The following GLIS3 variants were observed in gnomAD, a reference collection of about 807,000 sequenced individuals.
The protein encoded by GLIS3 is GLIS family zinc finger 3.
A neutral mutation model predicts 78.6 loss-of-function variants in GLIS3; 53 were observed. That is an observed-to-expected ratio of 0.67 (90% confidence interval 0.54 to 0.85). The LOEUF (loss-of-function observed/expected upper bound fraction) is 0.85, where lower values mean the gene tolerates loss of function less well. Among genes scored for constraint, GLIS3 ranks in the 40% least tolerant of loss-of-function variants. GLIS3 has a pLI of 0.00. For missense variants in GLIS3, 1,703 were observed against 1,231.1 expected, an observed-to-expected ratio of 1.38 and a Z score of -5.74; for synonymous variants, 684 against 509.9, an observed-to-expected ratio of 1.34 and a Z score of -4.60.
intron 4 of GLIS3, among the ~76,000 whole-genome samples, chr9:4,110,931 A>G (rs1831162668): frequency 1.3e-5 from 2 of 152,224 alleles, no homozygotes; most frequent in Admixed American, 6.5e-5. Context: ...CACTCTACAC[A>G]TTCAAATTCT....
intron 2 of GLIS3, among the ~76,000 whole-genome samples, chr9:4,248,250 C>T (rs899082428): frequency 1.3e-5 from 2 of 152,110 alleles, no homozygotes; most frequent in African/African-American, 4.8e-5. Context: ...CCCCCCATCC[C>T]CCAACAGGCT....
At chr9:4,030,199 G>A (rs1375606001) in intron 4 of GLIS3, among the ~76,000 whole-genome samples, 1 of 152,128 alleles carries the variant, frequency 6.6e-6, no homozygotes, top group Non-Finnish European at 1.5e-5. Flanking sequence ...GCTGATCAGT[G>A]ATGTTGAGCA....
chr9:4,450,644 G>C, the GLIS3 span, among the ~76,000 whole-genome samples: 1 of 152,214 alleles, frequency 6.6e-6, no homozygotes, highest in Non-Finnish European at 1.5e-5. Flanking sequence ...ACTAACAGCA[G>C]ATCTCTTGGC....
intron 9 of GLIS3, chr9:3,855,616 C>T (rs2281731): frequency 0.75 from 217,541 of 290,558 alleles, 81,925 homozygotes; most frequent in East Asian, 0.83. Context: ...CCTTGAAGGA[C>T]GGAGAGGATG....
intron 2 of GLIS3, among the ~76,000 whole-genome samples, chr9:4,266,434 T>A (rs1826013329): frequency 6.6e-6 from 1 of 152,098 alleles, no homozygotes; most frequent in Non-Finnish European, 1.5e-5. Flanking sequence ...AAAAGAACCA[T>A]CACCACAAGT....
intron 4 of GLIS3, among the ~76,000 whole-genome samples, chr9:4,010,862 G>C (rs982901765): frequency 6.6e-6 from 1 of 152,154 alleles, no homozygotes; most frequent in African/African-American, 2.4e-5. Context: ...CCTGATGGAG[G>C]TTCCAAAGTC....
rs1828443868 is a variant in GLIS3, at chr9:4,080,294, G to C, written c.1710+37474C>G. 1.3e-5 allele frequency among the ~76,000 whole-genome samples: 2 copies of C among 152,188 alleles called. 1 individual carries two copies. The highest frequency in any genetic ancestry group is 4.1e-4 in the South Asian group (2 of 4,826). ...TATTGTGCTAGGCACTAGAGACACAGAGGTAAGTGCCAGAGCTCAGATTAG... is the reference window on the plus strand; with the variant it reads ...TATTGTGCTAGGCACTAGAGACACACAGGTAAGTGCCAGAGCTCAGATTAG... On this transcript the variant is annotated intron_variant, in intron 4 of 10. Transcript: ENST00000381971.
chr9:4,296,247 G>C (rs990524207), intron 1 of GLIS3, among the ~76,000 whole-genome samples: 9 of 144,168 alleles, frequency 6.2e-5, no homozygotes, highest in Non-Finnish European at 1.2e-4. Flanking sequence ...TGGAAAGAAT[G>C]AATGTCCTCA....
chr9:4,411,483 TG>T, the GLIS3 span, among the ~76,000 whole-genome samples: 14 of 152,206 alleles, frequency 9.2e-5, no homozygotes, highest in African/African-American at 3.1e-4. Flanking sequence ...ATGTAGTAAA[TG>T]CTCACAGAAA....
chr9:4,176,901 G>C (rs1429082990), intron 2 of GLIS3, among the ~76,000 whole-genome samples: 2 of 152,268 alleles, frequency 1.3e-5, no homozygotes, highest in African/African-American at 4.8e-5. Flanking sequence ...TGGGATTACA[G>C]GCGTAAGCCA....
chr9:3,963,950 G>C (rs1274692039), intron 4 of GLIS3, among the ~76,000 whole-genome samples: 2 of 152,110 alleles, frequency 1.3e-5, no homozygotes, highest in South Asian at 2.1e-4. Context: ...GGTTAAACTG[G>C]ACACTTTTTC....
chr9:3,915,414 G>C (rs897670583), intron 6 of GLIS3, among the ~76,000 whole-genome samples: 1 of 152,096 alleles, frequency 6.6e-6, no homozygotes, highest in South Asian at 2.1e-4. Context: ...CACTGTCCAG[G>C]ATTGCATTAG....
chr9:4,176,491 T>A (rs1816824642), intron 2 of GLIS3, among the ~76,000 whole-genome samples: 1 of 152,230 alleles, frequency 6.6e-6, no homozygotes, highest in South Asian at 2.1e-4. Context: ...TTTAATATTT[T>A]ACCATTCAGC....
At chr9:4,306,548 T>C (rs1028849450) in intron 4 of GLIS3, among the ~76,000 whole-genome samples, 2 of 152,206 alleles carry the variant, frequency 1.3e-5, no homozygotes, top group African/African-American at 2.4e-5. Flanking sequence ...ATTCAGCACC[T>C]AATAGGAAAT....
At chr9:4,059,524 A>G (rs367957744) in intron 4 of GLIS3, among the ~76,000 whole-genome samples, 1 of 152,144 alleles carries the variant, frequency 6.6e-6, no homozygotes, top group Non-Finnish European at 1.5e-5. Flanking sequence ...GAGAAGTACT[A>G]TTGGCTTTTC....
At chr9:4,015,257 A>G (rs1375116206) in intron 4 of GLIS3, among the ~76,000 whole-genome samples, 2 of 152,166 alleles carry the variant, frequency 1.3e-5, no homozygotes, top group Non-Finnish European at 2.9e-5. Flanking sequence ...ATAAATTGGT[A>G]GCATTAGAGA....
chr9:4,247,306 G>C (rs942997081), intron 2 of GLIS3, among the ~76,000 whole-genome samples: 1 of 152,054 alleles, frequency 6.6e-6, no homozygotes, highest in Non-Finnish European at 1.5e-5. Context: ...TAAAACAAAA[G>C]TAAAGGTGAA....
intron 4 of GLIS3, among the ~76,000 whole-genome samples, chr9:4,103,890 T>G (rs1830560948): frequency 6.6e-6 from 1 of 152,126 alleles, no homozygotes; most frequent in South Asian, 2.1e-4. Flanking sequence ...AATGGCCCCT[T>G]GCAATTCTCC....
intron 6 of GLIS3, among the ~76,000 whole-genome samples, chr9:3,916,835 T>C (rs1465523753): frequency 2.0e-5 from 3 of 152,214 alleles, no homozygotes; most frequent in Non-Finnish European, 4.4e-5. Context: ...TTAAGTTCAA[T>C]TGCTCTTGAA....
Sources: gnomAD v4.1 joint callset for allele counts (sites outside exome capture counted in the v4.1 genomes callset) on GRCh38, gnomAD v4.1.1 for gene constraint, MANE v1.5 for transcripts, NCBI Gene and HGNC (gene_info 2026-07-23, HGNC 2026-07-21) for gene names.